The following NLRP1 variants were observed in gnomAD, a reference collection of about 807,000 sequenced individuals.
NLRP1 encodes the protein NLR family pyrin domain containing 1.
In NLRP1, 94 loss-of-function variants were observed where a neutral mutation model predicts 136.7. The observed-to-expected ratio is 0.69, with a 90% CI of 0.58 to 0.82. NLRP1 has a LOEUF of 0.82. NLRP1 is among the 40% of genes least tolerant of loss of function. The pLI is 0.00. For missense variants in NLRP1, 1,575 were observed against 1,802.7 expected (o/e 0.87, Z 2.29); for synonymous variants, 690 against 725.1 (o/e 0.95, Z 0.78).
chr17:5,530,674 G>A lies in NLRP1; in HGVS notation c.3327C>T (p.Arg1109=). The part of the protein sequence containing the change: ...RVHFPVAGSY[R]WPNTGLCFVM... ...CAAAGCAGAGACCCGTGTTGGGCCA[G>A]CGGTAGGAGCCAGCTACAGGGAAGT... Residue 1109 remains arginine (R), a synonymous_variant, in exon 12 of 17, where the codon CGC becomes CGT. Coordinates refer to ENST00000572272, the MANE Select transcript of NLRP1 (RefSeq NM_033004.4). The A allele has an allele frequency of 6.2e-7, 1 of 1,614,202 alleles. No homozygotes were observed. The highest frequency in any genetic ancestry group is 2.2e-5 in the East Asian group (1 of 44,890).
chr17:5,534,871 C>T (rs1361942179), intron 8 of NLRP1, among the ~76,000 whole-genome samples: 1 of 152,212 alleles, frequency 6.6e-6, no homozygotes, highest in Non-Finnish European at 1.5e-5. Context: ...GGCTCACTGA[C>T]CTCTAGTCCA....
chr17:5,569,750 C>T (rs758632719), intron 3 of NLRP1, among the ~76,000 whole-genome samples: 2 of 152,076 alleles, frequency 1.3e-5, no homozygotes, highest in African/African-American at 2.4e-5. Flanking sequence ...GACCTAAATT[C>T]GACACTTGAC....
chr17:5,574,753 C>T (rs1356041781), intron 3 of NLRP1, among the ~76,000 whole-genome samples: 1 of 151,650 alleles, frequency 6.6e-6, no homozygotes, highest in Non-Finnish European at 1.5e-5. Context: ...GCTCCGCCTC[C>T]CAGGTTCATG....
At chr17:5,530,015 C>G in intron 12 of NLRP1, 2 of 456,850 alleles carry the variant, frequency 4.4e-6, no homozygotes, top group South Asian at 1.5e-5. Context: ...TTTCATGGCT[C>G]CAGCTCTCAG....
chr17:5,561,200 G>T (rs1169966574), intron 3 of NLRP1, among the ~76,000 whole-genome samples: 2 of 152,074 alleles, frequency 1.3e-5, no homozygotes, highest in Non-Finnish European at 2.9e-5. Flanking sequence ...GGGATTATAA[G>T]TACCCGCCAT....
At chr17:5,555,921 C>T (rs931719000) in intron 4 of NLRP1, among the ~76,000 whole-genome samples, 3 of 151,454 alleles carry the variant, frequency 2.0e-5, no homozygotes, top group Non-Finnish European at 4.4e-5. Flanking sequence ...GGTGAAACCC[C>T]GTTTCTACTA....
chr17:5,568,366 T>C (rs776385123), intron 3 of NLRP1, among the ~76,000 whole-genome samples: 6 of 152,212 alleles, frequency 3.9e-5, no homozygotes, highest in Non-Finnish European at 8.8e-5. Flanking sequence ...TTCTTCAGTA[T>C]GCAAATTGAA....
intron 3 of NLRP1, among the ~76,000 whole-genome samples, chr17:5,579,806 C>A (rs1905402163): frequency 6.6e-6 from 1 of 152,116 alleles, no homozygotes; most frequent in Non-Finnish European, 1.5e-5. Context: ...TGAACTAACA[C>A]AGGAACAGAC....
rs542712957 is a variant in NLRP1, at chr17:5,529,646, G to A, written c.3520+835C>T. 1.4e-4 allele frequency among the ~76,000 whole-genome samples: 21 copies of A among 152,218 alleles called. No individual in the cohort carries two copies. In the South Asian group the frequency reaches 1.7e-3, roughly 12 times the overall value. ...CTCCCAAAGTCCTGGGATCACAGGC[G>A]TGAGCCACTGCGCCCGGCCTTGTTT... On this transcript the variant is annotated intron_variant, in intron 12 of 16. Transcript: ENST00000572272.
At chr17:5,529,891 C>T in intron 12 of NLRP1, 1 of 430,206 alleles carries the variant, frequency 2.3e-6, no homozygotes, top group Non-Finnish European at 4.7e-6. Context: ...TGCCTTGTTT[C>T]CCCTTTGTGA....
intron 13 of NLRP1, among the ~76,000 whole-genome samples, 191 bp from the exon 14 acceptor site, chr17:5,521,203 G>A (rs1018643507): frequency 1.8e-4 from 27 of 152,180 alleles, no homozygotes; most frequent in African/African-American, 2.4e-4. Flanking sequence ...TAGGAATAGG[G>A]TTATTGTTAG....
chr17:5,538,473 G>T (rs1162913634), intron 7 of NLRP1, among the ~76,000 whole-genome samples: 2 of 152,086 alleles, frequency 1.3e-5, no homozygotes, highest in African/African-American at 2.4e-5. Flanking sequence ...TCAGCCTGAC[G>T]TCACTGTCTC....
rs147120596 is a variant in NLRP1, at chr17:5,559,543, C to T, written c.1153G>A (p.Gly385Arg). The T allele has an allele frequency of 6.4e-5, 103 of 1,614,168 alleles. No homozygotes were observed. Among genetic ancestry groups the T allele is most frequent in the African/African-American group, 5.3e-5 (4 of 75,064 alleles). The change falls in exon 4 of 17, where the codon GGA becomes AGA. Residue 385 changes from glycine to arginine, a missense_variant. Coordinates refer to ENST00000572272, the MANE Select transcript of NLRP1 (RefSeq NM_033004.4). ...SKVVSLAELIGKDGTATPAPI... is the reference protein window; with the variant it reads ...SKVVSLAELIRKDGTATPAPI... ...GCCGGAGTGGCTGTCCCATCTTTTC[C>T]GATGAGCTCAGCGAGACTCACCACC... is the stretch of plus-strand genomic sequence containing the variant.
At chr17:5,563,941 C>G (rs1480533870) in intron 3 of NLRP1, among the ~76,000 whole-genome samples, 1 of 152,198 alleles carries the variant, frequency 6.6e-6, no homozygotes, top group African/African-American at 2.4e-5. Flanking sequence ...TAACAGTGAA[C>G]TTTTCAGCAG....
chr17:5,512,344 T>C (rs1597388655), downstream of NLRP1: 13 of 1,307,602 alleles, frequency 9.9e-6, 1 homozygote, highest in South Asian at 1.5e-4. Context: ...TACTTTAGCC[T>C]TACACTTGGT....
Position 5,541,797 on chromosome 17 carries a change from G to A in NLRP1, c.2699+60C>T. On this transcript the variant is annotated intron_variant, in intron 6 of 16. Coordinates refer to ENST00000572272, the MANE Select transcript of NLRP1 (RefSeq NM_033004.4). This position sits in a 1 kb window ranked among gnomAD's most constrained non-coding sequence, Gnocchi z 4.2. Reference sequence around the variant, plus strand: ...CACCTTCTCTCTGCTCTTACCCTCTGCCTGCCTCATGGTGGCAGGCAGTTC... The same window carrying A: ...CACCTTCTCTCTGCTCTTACCCTCTACCTGCCTCATGGTGGCAGGCAGTTC... 6.4e-7 allele frequency: 1 copy of A among 1,554,324 alleles called. No homozygotes were observed. The highest frequency in any genetic ancestry group is 1.7e-5 in the Admixed American group (1 of 59,336).
chr17:5,555,950 TG>T (rs1219439212), intron 4 of NLRP1, among the ~76,000 whole-genome samples: 1 of 151,802 alleles, frequency 6.6e-6, no homozygotes, highest in South Asian at 2.1e-4. Flanking sequence ...AAAAATTAGC[TG>T]GGTGTGGTGG....
Position 5,533,325 on chromosome 17 carries a change from A to C in NLRP1, c.3112T>G (p.Phe1038Val). The change falls in exon 10 of 17, where the codon TTC becomes GTC. Residue 1038 changes from phenylalanine (F) to valine (V), a missense_variant. Physicochemically the swap from Phe to Val is conservative, Grantham distance 50 (BLOSUM62 -1). Coordinates refer to ENST00000572272, the MANE Select transcript of NLRP1 (RefSeq NM_033004.4). ...NLKLLDVSKI[F>V]PIAEIAEESS... is the part of the protein sequence containing the mutation. ...TTGCCTGCAATCTCAGCAATTGGGA[A>C]GATCTTGCTCACGTCCAGGAGTTTG... is the stretch of plus-strand genomic sequence containing the variant. 6.6e-7 allele frequency: 1 copy of C among 1,524,034 alleles called. No individual in the cohort carries two copies. Among genetic ancestry groups the C allele is most frequent in the Non-Finnish European group, 8.9e-7 (1 of 1,121,700 alleles). The allele number at this position is 1,524,034 out of a possible 1,614,324, so 94.4% of individuals were successfully genotyped here.
chr17:5,511,356 C>T (rs561889464), downstream of NLRP1, among the ~76,000 whole-genome samples: 4 of 151,014 alleles, frequency 2.6e-5, no homozygotes, highest in East Asian at 3.9e-4. Context: ...CGTTTGAACC[C>T]GGGAGGTGGA....
Sources: allele counts gnomAD v4.1 joint callset (sites outside exome capture counted in the v4.1 genomes callset), GRCh38; gene constraint gnomAD v4.1.1; non-coding constraint Gnocchi (gnomAD v3.1); transcripts MANE v1.5; gene names NCBI Gene and HGNC (gene_info 2026-07-23, HGNC 2026-07-21).